The following LRBA variants were observed in gnomAD, a reference collection of about 807,000 sequenced individuals.
LRBA encodes lipopolysaccharide-responsive and beige-like anchor protein.
In LRBA, 176 loss-of-function variants were observed where a neutral mutation model predicts 330.0. The observed-to-expected ratio is 0.53, with a 90% confidence interval of 0.47 to 0.60. The LOEUF (loss-of-function observed/expected upper bound fraction) is 0.60, where lower values mean the gene tolerates loss of function less well. LRBA is among the 20% of genes least tolerant of loss of function. The pLI is 0.00. For synonymous variants in LRBA, 1,230 were observed against 1,193.0 expected (o/e 1.03, Z -0.64); for missense variants, 3,259 against 3,444.8 (o/e 0.95, Z 1.35).
intron 9 of LRBA, among the ~76,000 whole-genome samples, chr4:150,912,531 T>C (rs1010174395): frequency 1.3e-5 from 2 of 152,226 alleles, no homozygotes; most frequent in Non-Finnish European, 2.9e-5. Context: ...TTTCATTATA[T>C]ATTACAATGT....
Position 150,850,885 on chromosome 4 carries a change from C to T in LRBA, c.3843G>A (p.Glu1281=), listed in dbSNP as rs938604201. Residue 1281 remains glutamate (E), a synonymous_variant, in exon 24 of 57, where the codon GAG becomes GAA. Transcript: ENST00000651943. ...RHVLEISRQH[E]QPGQGIAPDA... ...CTGGTGCTATTCCTTGCCCTGGCTGCTCATGTTGCCTTGATATCTAATACA... is the reference window on the plus strand; with the variant it reads ...CTGGTGCTATTCCTTGCCCTGGCTGTTCATGTTGCCTTGATATCTAATACA... 3.7e-6 allele frequency: 6 copies of T among 1,608,716 alleles called. No homozygotes were observed. The African/African-American group carries it at 5.4e-5, about 14-fold the overall frequency.
intron 47 of LRBA, among the ~76,000 whole-genome samples, chr4:150,392,563 G>T (rs1744137141): frequency 6.6e-6 from 1 of 152,100 alleles, no homozygotes; most frequent in Non-Finnish European, 1.5e-5. Context: ...AATTTTGGGA[G>T]ATTGCTAGGT....
chr4:150,935,347 T>C (rs1579253633), intron 2 of LRBA, among the ~76,000 whole-genome samples: 1 of 152,212 alleles, frequency 6.6e-6, no homozygotes, highest in East Asian at 1.9e-4. Context: ...TTTTCCTAAA[T>C]ACCTATAATA....
chr4:150,666,279 T>C (rs2126846343), intron 37 of LRBA, among the ~76,000 whole-genome samples: 1 of 152,292 alleles, frequency 6.6e-6, no homozygotes, highest in African/African-American at 2.4e-5. Context: ...ACACCTGTAA[T>C]CTCAGCACTT....
chr4:150,558,086 A>G (rs1767565719), intron 40 of LRBA, among the ~76,000 whole-genome samples: 1 of 152,028 alleles, frequency 6.6e-6, no homozygotes, highest in South Asian at 2.1e-4. Flanking sequence ...TTTAGTAGAG[A>G]TGGGTTTTTG....
intron 46 of LRBA, among the ~76,000 whole-genome samples, chr4:150,424,098 C>T (rs1361432928): frequency 1.3e-5 from 2 of 152,134 alleles, no homozygotes; most frequent in Non-Finnish European, 2.9e-5. Flanking sequence ...AAATTGAGGA[C>T]TTTACATGTG....
At chr4:150,657,006 A>T (rs1328416192) in intron 37 of LRBA, among the ~76,000 whole-genome samples, 1 of 152,242 alleles carries the variant, frequency 6.6e-6, no homozygotes, top group Non-Finnish European at 1.5e-5. Flanking sequence ...ATGTTGTAAG[A>T]GCCCATAGAA....
chr4:150,895,536 TG>T (rs1270676098), intron 16 of LRBA, among the ~76,000 whole-genome samples: 1 of 152,196 alleles, frequency 6.6e-6, no homozygotes, highest in Non-Finnish European at 1.5e-5. Context: ...ATGTGGTGTT[TG>T]GTTTTTTGTC....
intron 49 of LRBA, among the ~76,000 whole-genome samples, chr4:150,324,170 A>C (rs1464567474): frequency 2.0e-5 from 3 of 152,170 alleles, no homozygotes; most frequent in African/African-American, 7.2e-5. Flanking sequence ...TGAGCCAATA[A>C]GCCTCTGCCA....
At chr4:150,937,943 T>C (rs1030723838) in intron 2 of LRBA, among the ~76,000 whole-genome samples, 2 of 152,068 alleles carry the variant, frequency 1.3e-5, no homozygotes, top group Non-Finnish European at 2.9e-5. Context: ...CTTCAAAAGA[T>C]TAATACAACT....
intron 56 of LRBA, among the ~76,000 whole-genome samples, chr4:150,266,225 C>T (rs569407416): frequency 5.3e-5 from 8 of 152,298 alleles, no homozygotes; most frequent in Middle Eastern, 3.4e-3. Context: ...TGGAAAGAAG[C>T]AGCACACACT....
At chr4:150,964,951 C>CG (rs1162153829) in intron 2 of LRBA, among the ~76,000 whole-genome samples, 1 of 152,174 alleles carries the variant, frequency 6.6e-6, no homozygotes, top group African/African-American at 2.4e-5. Flanking sequence ...TTAATCATCA[C>CG]TTTTTCACCT....
chr4:150,661,680 A>G (rs933464712), intron 37 of LRBA, among the ~76,000 whole-genome samples: 39 of 152,110 alleles, frequency 2.6e-4, no homozygotes, highest in Admixed American at 7.8e-4. Flanking sequence ...GCACAATCTC[A>G]GCTCATTGCA....
intron 36 of LRBA, among the ~76,000 whole-genome samples, chr4:150,700,907 A>G (rs1785058586): frequency 6.6e-6 from 1 of 151,904 alleles, no homozygotes; most frequent in Non-Finnish European, 1.5e-5. Flanking sequence ...ACAGGGGTGT[A>G]CCACCACACC....
chr4:150,432,453 C>CTTTTTTTTTTTTTTT (rs35393002), intron 46 of LRBA, among the ~76,000 whole-genome samples: 1 of 98,438 alleles, frequency 1.0e-5, no homozygotes, highest in Admixed American at 1.5e-4. Flanking sequence ...TAAGTGTGTT[C>CTTTTTTTTTTTTTTT]TTTTTTTTTT....
intron 34 of LRBA, among the ~76,000 whole-genome samples, chr4:150,788,760 CCAAA>C (rs1560819220): frequency 2.5e-5 from 1 of 40,468 alleles, no homozygotes; most frequent in Non-Finnish European, 6.6e-5. Context: ...GACTTCGTCT[CCAAA>C]AAAAAAAAAA....
At chr4:150,550,968 A>G (rs1336112105) in intron 40 of LRBA, among the ~76,000 whole-genome samples, 1 of 152,204 alleles carries the variant, frequency 6.6e-6, no homozygotes, top group Non-Finnish European at 1.5e-5. Flanking sequence ...CATGTGTTGG[A>G]AACTGAATCC....
At chr4:150,272,908 G>A (rs569599031) in intron 56 of LRBA, among the ~76,000 whole-genome samples, 3 of 152,116 alleles carry the variant, frequency 2.0e-5, no homozygotes, top group East Asian at 1.9e-4. Context: ...CCAGGAGAAC[G>A]TCCCCAACCT....
intron 34 of LRBA, among the ~76,000 whole-genome samples, chr4:150,769,396 C>A (rs993485429): frequency 6.6e-6 from 1 of 152,218 alleles, no homozygotes; most frequent in Admixed American, 6.5e-5. Context: ...CTGACTCACA[C>A]AATTACATTG....
Sources: allele counts gnomAD v4.1 joint callset (sites outside exome capture counted in the v4.1 genomes callset), GRCh38; gene constraint gnomAD v4.1.1; transcripts MANE v1.5; gene names NCBI Gene and HGNC (gene_info 2026-07-23, HGNC 2026-07-21).